Variants in PHF24 observed in about 807,000 individuals in gnomAD.
PHF24 encodes PHD finger protein 24.
PHF24 carries 25 observed loss-of-function variants against 42.6 expected under a neutral mutation model. The observed-to-expected ratio is 0.59, with a 90% confidence interval of 0.43 to 0.82. The LOEUF (loss-of-function observed/expected upper bound fraction) is 0.82. Ranked by LOEUF, PHF24 falls within the 40% of genes least tolerant of loss-of-function variation. The pLI, the probability that PHF24 is intolerant of heterozygous loss-of-function variation, is 0.00. For missense variants in PHF24, 470 were observed against 538.1 expected (o/e 0.87, Z 1.25); for synonymous variants, 185 against 204.8 (o/e 0.90, Z 0.83).
the PHF24 span, among the ~76,000 whole-genome samples, chr9:34,842,953 G>A: frequency 2.6e-5 from 4 of 151,970 alleles, no homozygotes; most frequent in East Asian, 1.9e-4. Context: ...GTTTTAATCC[G>A]TGTTTCTCTA....
the PHF24 span, among the ~76,000 whole-genome samples, chr9:34,879,110 C>G: frequency 6.6e-6 from 1 of 152,172 alleles, no homozygotes; most frequent in Non-Finnish European, 1.5e-5. Context: ...TGGAGTGGAC[C>G]TCCAGCAAAC....
the PHF24 span, among the ~76,000 whole-genome samples, chr9:34,732,546 A>G: frequency 6.6e-6 from 1 of 151,688 alleles, no homozygotes; most frequent in African/African-American, 2.4e-5. Flanking sequence ...TTGTAAATAT[A>G]TTTTCTCCCA....
At chr9:34,887,809 A>G in the PHF24 span, among the ~76,000 whole-genome samples, 2 of 152,014 alleles carry the variant, frequency 1.3e-5, no homozygotes, top group Non-Finnish European at 2.9e-5. Context: ...CTCCCAACGT[A>G]AGTTCCTTGA....
At chr9:34,801,640 T>G in the PHF24 span, among the ~76,000 whole-genome samples, 3 of 151,808 alleles carry the variant, frequency 2.0e-5, no homozygotes, top group Non-Finnish European at 4.4e-5. Flanking sequence ...AGCAGGAGAA[T>G]GGCGTGAACC....
At chr9:34,781,669 T>C in the PHF24 span, among the ~76,000 whole-genome samples, 1 of 152,130 alleles carries the variant, frequency 6.6e-6, no homozygotes, top group Non-Finnish European at 1.5e-5. Context: ...AATTGTACAC[T>C]TTAAATGGCT....
At chr9:34,772,997 T>G in the PHF24 span, among the ~76,000 whole-genome samples, 1 of 152,042 alleles carries the variant, frequency 6.6e-6, no homozygotes, top group Non-Finnish European at 1.5e-5. Flanking sequence ...TTCTGTTTTT[T>G]TTTTTTTTTT....
the PHF24 span, among the ~76,000 whole-genome samples, chr9:34,882,730 A>G: frequency 6.6e-6 from 1 of 152,220 alleles, no homozygotes; most frequent in Non-Finnish European, 1.5e-5. Flanking sequence ...AAACAAATGG[A>G]AGAACATTCC....
chr9:34,934,638 G>A, the PHF24 span, among the ~76,000 whole-genome samples: 1 of 150,588 alleles, frequency 6.6e-6, no homozygotes, highest in Non-Finnish European at 1.5e-5. Flanking sequence ...AAACAAAATT[G>A]GGCACAAGAC....
the PHF24 span, among the ~76,000 whole-genome samples, chr9:34,796,855 CTTG>C: frequency 1.3e-5 from 2 of 152,246 alleles, no homozygotes; most frequent in African/African-American, 2.4e-5. Flanking sequence ...CACACAAAAA[CTTG>C]TTATACGCCA....
chr9:34,865,134 G>A, the PHF24 span, among the ~76,000 whole-genome samples: 2 of 122,462 alleles, frequency 1.6e-5, no homozygotes, highest in East Asian at 2.5e-4. Flanking sequence ...AGCTGAGATT[G>A]CGCCACTGCA....
the PHF24 span, among the ~76,000 whole-genome samples, chr9:34,892,267 T>A: frequency 6.6e-6 from 1 of 152,144 alleles, no homozygotes; most frequent in African/African-American, 2.4e-5. Context: ...CCATAGTGGA[T>A]CCTTCAAAAA....
chr9:34,884,047 G>C, the PHF24 span, among the ~76,000 whole-genome samples: 1 of 152,320 alleles, frequency 6.6e-6, no homozygotes, highest in African/African-American at 2.4e-5. Flanking sequence ...AAAAAAGGGT[G>C]AGTTCATGTT....
chr9:34,927,516 C>T, the PHF24 span, among the ~76,000 whole-genome samples: 2 of 152,184 alleles, frequency 1.3e-5, no homozygotes, highest in Non-Finnish European at 2.9e-5. Flanking sequence ...AGCAGCTCTT[C>T]AAACTGGGCT....
At chr9:34,838,361 T>A in the PHF24 span, 1 of 854,542 alleles carries the variant, frequency 1.2e-6, no homozygotes, top group Middle Eastern at 2.2e-4. Flanking sequence ...CAGCAGCAGC[T>A]CCTTTCAACT....
chr9:34,752,261 A>G, the PHF24 span, among the ~76,000 whole-genome samples: 1 of 152,100 alleles, frequency 6.6e-6, no homozygotes, highest in African/African-American at 2.4e-5. Flanking sequence ...TAAAAAGTTG[A>G]CTTTTTGAAA....
chr9:34,963,899 GAT>G (rs917444992), intron 1 of PHF24, among the ~76,000 whole-genome samples: 4 of 152,198 alleles, frequency 2.6e-5, no homozygotes, highest in Admixed American at 2.0e-4. Context: ...TGGCCAATTT[GAT>G]AAAGAGAAAA....
At chr9:34,685,846 G>C in the PHF24 span, among the ~76,000 whole-genome samples, 1 of 152,156 alleles carries the variant, frequency 6.6e-6, no homozygotes, top group East Asian at 1.9e-4. Flanking sequence ...TTGCTGTACT[G>C]TTCTCCATTT....
the PHF24 span, among the ~76,000 whole-genome samples, chr9:34,697,971 C>G: frequency 6.6e-6 from 1 of 152,116 alleles, no homozygotes; most frequent in Non-Finnish European, 1.5e-5. Context: ...AGTGAAATTA[C>G]TATGAAATCT....
the PHF24 span, among the ~76,000 whole-genome samples, chr9:34,915,744 T>G: frequency 6.6e-6 from 1 of 152,200 alleles, no homozygotes; most frequent in Non-Finnish European, 1.5e-5. Context: ...TGTGGTGATT[T>G]GTGCAGAAAG....
Sources: allele counts gnomAD v4.1 joint callset (sites outside exome capture counted in the v4.1 genomes callset), GRCh38; gene constraint gnomAD v4.1.1; transcripts MANE v1.5; gene names NCBI Gene and HGNC (gene_info 2026-07-23, HGNC 2026-07-21).